LRRC37A2: variants seen among roughly 807,000 people sequenced by gnomAD.
LRRC37A2 encodes leucine rich repeat containing 37 member A2.
Under a neutral mutation model 68.8 loss-of-function variants are expected in LRRC37A2, and 9 were observed. The ratio of observed to expected loss-of-function variants is 0.13; its 90% CI spans 0.08 to 0.23. The LOEUF (loss-of-function observed/expected upper bound fraction) is 0.23. Ranked by LOEUF, LRRC37A2 falls within the 10% of genes least tolerant of loss-of-function variation. The pLI, the probability that LRRC37A2 is intolerant of heterozygous loss-of-function variation, is 1.00. For missense variants in LRRC37A2, 168 were observed against 950.4 expected (o/e 0.18, Z 10.82); for synonymous variants, 63 against 367.6 (o/e 0.17, Z 9.48).
At chr17:47,019,107 A>G in the LRRC37A2 span, 1 of 1,277,554 alleles carries the variant, frequency 7.8e-7, no homozygotes, top group Non-Finnish European at 1.1e-6. Context: ...AGTTTCTCCA[A>G]AGCATCCTGA....
At chr17:46,752,916 A>AC in the LRRC37A2 span, among the ~76,000 whole-genome samples, 1 of 151,638 alleles carries the variant, frequency 6.6e-6, no homozygotes, top group Non-Finnish European at 1.5e-5. Context: ...ACAGGCGCCC[A>AC]CCCACCATGC....
At chr17:46,952,277 G>T in the LRRC37A2 span, among the ~76,000 whole-genome samples, 1 of 152,218 alleles carries the variant, frequency 6.6e-6, no homozygotes, top group Non-Finnish European at 1.5e-5. Context: ...AGCGCCTGAA[G>T]CAGGCCTGGT....
At chr17:46,933,214 C>G in the LRRC37A2 span, 1 of 152,238 alleles carries the variant, frequency 6.6e-6, no homozygotes, top group African/African-American at 2.4e-5. Context: ...GCCAGCCTGG[C>G]GTGATGCTGT....
chr17:46,819,368 G>A, the LRRC37A2 span, among the ~76,000 whole-genome samples: 1 of 152,322 alleles, frequency 6.6e-6, no homozygotes, highest in African/African-American at 2.4e-5. This position sits in a 1 kb window ranked among gnomAD's most constrained non-coding sequence, Gnocchi z 5.3. Flanking sequence ...TTTTGTCAGG[G>A]ATCAGATCGG....
chr17:46,865,766 C>T, the LRRC37A2 span, among the ~76,000 whole-genome samples: 5 of 152,084 alleles, frequency 3.3e-5, no homozygotes, highest in Non-Finnish European at 7.4e-5. Context: ...CCACCATGCC[C>T]AGCTAATTTT....
chr17:46,730,647 A>T, the LRRC37A2 span, among the ~76,000 whole-genome samples: 1 of 152,232 alleles, frequency 6.6e-6, no homozygotes, highest in African/African-American at 2.4e-5. Flanking sequence ...TACATGCTTC[A>T]CAAATACCTT....
chr17:46,771,738 CATT>C, the LRRC37A2 span, among the ~76,000 whole-genome samples: 1 of 125,554 alleles, frequency 8.0e-6, no homozygotes, highest in South Asian at 2.5e-4. Context: ...GCGAAATCCC[CATT>C]GAAGCGGCGC....
chr17:46,892,174 C>T, the LRRC37A2 span, among the ~76,000 whole-genome samples: 1 of 152,084 alleles, frequency 6.6e-6, no homozygotes, highest in Non-Finnish European at 1.5e-5. Flanking sequence ...TTGCCTCGGC[C>T]TCCCAAAGTG....
At chr17:46,789,187 C>A in the LRRC37A2 span, among the ~76,000 whole-genome samples, 1 of 152,192 alleles carries the variant, frequency 6.6e-6, no homozygotes, top group Admixed American at 6.5e-5. Flanking sequence ...CCATTCTCCT[C>A]TTTATGGGGG....
At chr17:46,558,553 A>ATT (rs58227880), downstream of LRRC37A2, among the ~76,000 whole-genome samples, 7 of 100,246 alleles carry the variant, frequency 7.0e-5, no homozygotes, top group African/African-American at 4.1e-5. Flanking sequence ...TGCCCGGCCA[A>ATT]TTTTTTTTTT....
At chr17:46,982,064 C>T in the LRRC37A2 span, among the ~76,000 whole-genome samples, 318 of 152,220 alleles carry the variant, frequency 2.1e-3, 1 homozygote, top group African/African-American at 7.4e-3. Flanking sequence ...GGGAAACAAC[C>T]TGGCTCAAGC....
the LRRC37A2 span, chr17:46,875,257 A>T: frequency 6.2e-7 from 1 of 1,614,180 alleles, no homozygotes; most frequent in Non-Finnish European, 8.5e-7. Context: ...GTGTGCGGTG[A>T]CAACCTCAAG....
chr17:46,707,665 T>A, the LRRC37A2 span, among the ~76,000 whole-genome samples: 3 of 152,164 alleles, frequency 2.0e-5, no homozygotes, highest in African/African-American at 7.2e-5. Flanking sequence ...TTATTTGACG[T>A]AGCATAATGT....
At chr17:46,906,314 C>T in the LRRC37A2 span, among the ~76,000 whole-genome samples, 2 of 152,202 alleles carry the variant, frequency 1.3e-5, no homozygotes, top group African/African-American at 4.8e-5. Context: ...AAGGACTTCC[C>T]TGAACTAACA....
chr17:46,816,462 A>G, the LRRC37A2 span, among the ~76,000 whole-genome samples: 2 of 129,082 alleles, frequency 1.5e-5, no homozygotes, highest in Non-Finnish European at 3.2e-5. Flanking sequence ...AGGGTCATAG[A>G]CCCAGAACAC....
the LRRC37A2 span, chr17:46,851,728 C>T: frequency 7.9e-7 from 1 of 1,263,588 alleles, no homozygotes; most frequent in Non-Finnish European, 1.0e-6. The surrounding 1 kb of genome is among the most constrained non-coding windows in gnomAD (Gnocchi z 4.3). Flanking sequence ...CAGTGCCCGC[C>T]GCGCCCCCCG....
At chr17:46,496,936 T>C in the LRRC37A2 span, among the ~76,000 whole-genome samples, 1 of 130,090 alleles carries the variant, frequency 7.7e-6, no homozygotes, top group South Asian at 2.4e-4. Context: ...AAAAAATTAC[T>C]TAATATTAAT....
the LRRC37A2 span, among the ~76,000 whole-genome samples, chr17:46,945,564 C>T: frequency 5.3e-5 from 8 of 152,204 alleles, no homozygotes; most frequent in Non-Finnish European, 1.2e-4. Flanking sequence ...AGAATTGCAT[C>T]TTTGCTGGGT....
the LRRC37A2 span, among the ~76,000 whole-genome samples, chr17:46,404,649 C>T: frequency 9.5e-6 from 1 of 105,740 alleles, no homozygotes; most frequent in Non-Finnish European, 2.2e-5. Context: ...GTGGGTGGAT[C>T]ACAAGGTCAG....
Sources: gnomAD v4.1 joint callset for allele counts (sites outside exome capture counted in the v4.1 genomes callset) on GRCh38, gnomAD v4.1.1 for gene constraint, Gnocchi (gnomAD v3.1) non-coding constraint, MANE v1.5 for transcripts, NCBI Gene and HGNC (gene_info 2026-07-23, HGNC 2026-07-21) for gene names.